The following CTCF variants were observed in gnomAD, a reference collection of about 807,000 sequenced individuals.
The protein encoded by CTCF is transcriptional repressor CTCF.
In CTCF, 7 loss-of-function variants were observed where a neutral mutation model predicts 72.3. The observed-to-expected ratio is 0.10, with a 90% confidence interval of 0.06 to 0.18. The LOEUF (loss-of-function observed/expected upper bound fraction) is 0.18. CTCF is among the 10% of genes least tolerant of loss of function. The pLI, the probability that CTCF is intolerant of heterozygous loss-of-function variation, is 1.00. For missense variants in CTCF, 516 were observed against 949.1 expected (o/e 0.54, Z 6.00); for synonymous variants, 374 against 315.8 (o/e 1.18, Z -1.95).
At chr16:67,596,163 A>G (rs964351130) in intron 2 of CTCF, among the ~76,000 whole-genome samples, 1 of 152,202 alleles carries the variant, frequency 6.6e-6, no homozygotes, top group Non-Finnish European at 1.5e-5. Flanking sequence ...CATGTTGGTC[A>G]GGATGGTCTC....
chr16:67,636,851 C>T lies in CTCF; in HGVS notation c.1999C>T (p.Pro667Ser), dbSNP rs763918566. 8 of 1,569,476 alleles carry T rather than the reference C, an allele frequency of 5.1e-6. No homozygotes were observed. Among genetic ancestry groups the T allele is most frequent in the African/African-American group, 1.4e-5 (1 of 73,288 alleles). ...AACCAACCAGCCCAAACAGAACCAG[C>T]GTAAGTTGTTCATCTCTGCTCTGGA... ...GRTNQPKQNQ[P>S]TAIIQVEDQN... The change falls in exon 11 of 12, where the codon CCA (proline) becomes TCA (serine). Residue 667 changes from proline (P) to serine (S), a missense_variant and splice_region_variant. Around this residue, in one of 7 missense-constraint regions of CTCF, gnomAD observed 157 missense variants for 172.9 expected, o/e 0.91. Coordinates refer to ENST00000264010, the MANE Select transcript of CTCF (RefSeq NM_006565.4).
intron 10 of CTCF, among the ~76,000 whole-genome samples, chr16:67,630,740 G>A (rs1201886749): frequency 1.3e-5 from 2 of 151,966 alleles, no homozygotes; most frequent in East Asian, 3.8e-4. Flanking sequence ...GGTGGTCGAA[G>A]TGAGACCTTG....
chr16:67,577,442 T>C (rs548452720), intron 2 of CTCF, among the ~76,000 whole-genome samples: 4 of 151,754 alleles, frequency 2.6e-5, no homozygotes, highest in Non-Finnish European at 5.9e-5. Context: ...CTTCTTTTTT[T>C]TTTTTTATTT....
chr16:67,626,965 G>A (rs1256936422), intron 8 of CTCF: 1 of 324,076 alleles, frequency 3.1e-6, no homozygotes, highest in Non-Finnish European at 5.6e-6. Flanking sequence ...TGGAAAGTAA[G>A]TCCAGGACTT....
chr16:67,629,683 G>T (rs977379866), intron 10 of CTCF, 150 bp downstream of exon 10: 4 of 475,454 alleles, frequency 8.4e-6, no homozygotes, highest in Non-Finnish European at 1.2e-5. Flanking sequence ...ATTTACAACA[G>T]CAGTTAGTGT....
chr16:67,582,601 A>C, intron 2 of CTCF, among the ~76,000 whole-genome samples: 1 of 151,698 alleles, frequency 6.6e-6, no homozygotes. Flanking sequence ...GCTCAGGCAC[A>C]AGAATCACTT....
intron 2 of CTCF, among the ~76,000 whole-genome samples, chr16:67,586,683 G>A (rs753191509): frequency 1.3e-5 from 2 of 150,658 alleles, no homozygotes; most frequent in Admixed American, 6.6e-5. Flanking sequence ...TGTTTCTTTT[G>A]TTGTTTAAAC....
chr16:67,575,216 T>A (rs1278379671), intron 2 of CTCF, among the ~76,000 whole-genome samples: 1 of 152,100 alleles, frequency 6.6e-6, no homozygotes, highest in Non-Finnish European at 1.5e-5. Context: ...ACCACTGCAT[T>A]TCATTCAGCC....
At chr16:67,616,716 C>T (rs1216619737) in intron 4 of CTCF, 29 bp from the exon 5 acceptor site, 7 of 1,613,054 alleles carry the variant, frequency 4.3e-6, no homozygotes, top group African/African-American at 1.3e-5. Context: ...CTTGATCTTG[C>T]TCTTCCTGTT....
intron 1 of CTCF, among the ~76,000 whole-genome samples, chr16:67,569,387 T>C (rs1040719303): frequency 6.6e-6 from 1 of 151,676 alleles, no homozygotes; most frequent in African/African-American, 2.4e-5. Flanking sequence ...GGTTTCACTA[T>C]GTTGGCCAGG....
chr16:67,581,368 G>T (rs2051579738), intron 2 of CTCF, among the ~76,000 whole-genome samples: 1 of 149,762 alleles, frequency 6.7e-6, no homozygotes, highest in African/African-American at 2.5e-5. Flanking sequence ...CGTCTCCCGT[G>T]CTGGAGTGCA....
intron 2 of CTCF, among the ~76,000 whole-genome samples, chr16:67,606,265 C>T (rs151303144): frequency 3.5e-4 from 53 of 152,322 alleles, no homozygotes; most frequent in African/African-American, 1.0e-3. Flanking sequence ...CTTTCCCCTA[C>T]AGAATACATC....
Position 67,604,099 on chromosome 16 carries a change from C to T in CTCF, c.-9-6725C>T, listed in dbSNP as rs560252256. Among the ~76,000 whole-genome samples, 6 of 147,244 alleles carry T rather than the reference C, an allele frequency of 4.1e-5. No individual in the cohort carries two copies. The South Asian group carries it at 6.4e-4, about 16-fold the overall frequency. ...GAGCCATGACCATTCTGCTGCACTCCAGCCTGGGCAACAGAGGAAACCCCG... is the reference window on the plus strand; with the variant it reads ...GAGCCATGACCATTCTGCTGCACTCTAGCCTGGGCAACAGAGGAAACCCCG... On this transcript the variant is annotated intron_variant, in intron 2 of 11. Transcript: ENST00000264010.
In CTCF at chr16:67,564,525, A is replaced by G. The variant is rs894090062; in HGVS notation, c.-127+1801A>G. On this transcript the variant is annotated intron_variant, in intron 1 of 11. Coordinates refer to ENST00000264010, the MANE Select transcript of CTCF (RefSeq NM_006565.4). Reference sequence around the variant, plus strand: ...CACCCCTCTTCCTCAATAAAATTGCATAGAGTAACTAAATGCAGTAGCGTT... The same window carrying G: ...CACCCCTCTTCCTCAATAAAATTGCGTAGAGTAACTAAATGCAGTAGCGTT... 2.6e-5 allele frequency among the ~76,000 whole-genome samples: 4 copies of G among 152,214 alleles called. No individual in the cohort carries two copies. In the South Asian group the frequency reaches 6.2e-4, roughly 24 times the overall value.
chr16:67,595,525 A>G (rs1416036860), intron 2 of CTCF, among the ~76,000 whole-genome samples: 2 of 152,072 alleles, frequency 1.3e-5, no homozygotes, highest in Non-Finnish European at 2.9e-5. Context: ...AAAAGCATAT[A>G]TTGTTGAGTT....
chr16:67,563,081 CGCCCTCT>C (rs2051299065), intron 1 of CTCF, among the ~76,000 whole-genome samples: 1 of 151,998 alleles, frequency 6.6e-6, no homozygotes, highest in East Asian at 1.9e-4. Flanking sequence ...GGCCGCGGCC[CGCCCTCT>C]GTCCTGTGTC....
Position 67,637,738 on chromosome 16 carries a change from A to T in CTCF, c.2050A>T (p.Ile684Phe). ...CCAGAATACAGGTGCAATTGAGAAC[A>T]TTATAGTTGAAGTAAAAAAAGAGCC... is the stretch of plus-strand genomic sequence containing the variant. Reference protein sequence around the residue: ...EDQNTGAIENIIVEVKKEPDA... With the variant: ...EDQNTGAIENFIVEVKKEPDA... The change falls in exon 12 of 12, where the codon ATT (isoleucine) becomes TTT (phenylalanine). Residue 684 changes from isoleucine (I) to phenylalanine (F), a missense_variant. This residue lies in a region of CTCF where 157 missense variants were observed against 172.9 expected (regional missense o/e 0.91). Transcript: ENST00000264010. The T allele has an allele frequency of 6.2e-7, 1 of 1,613,992 alleles. No homozygotes were observed. The highest frequency in any genetic ancestry group is 8.5e-7 in the Non-Finnish European group (1 of 1,180,022).
At chr16:67,607,550 C>T (rs900319232) in intron 2 of CTCF, among the ~76,000 whole-genome samples, 2 of 151,850 alleles carry the variant, frequency 1.3e-5, no homozygotes, top group Non-Finnish European at 2.9e-5. Flanking sequence ...AACTGATCCA[C>T]CAGCCTTGGC....
chr16:67,580,959 C>T (rs994134278), intron 2 of CTCF, among the ~76,000 whole-genome samples: 2 of 151,464 alleles, frequency 1.3e-5, no homozygotes, highest in Non-Finnish European at 2.9e-5. Context: ...GATGGAATCT[C>T]GCTCTTTCGC....
Sources: allele counts gnomAD v4.1 joint callset (sites outside exome capture counted in the v4.1 genomes callset), GRCh38; gene constraint gnomAD v4.1.1; regional missense constraint gnomAD v4.1.1; transcripts MANE v1.5; gene names NCBI Gene and HGNC (gene_info 2026-07-23, HGNC 2026-07-21).